Variants in CLEC3A observed in about 807,000 individuals in gnomAD.
CLEC3A encodes the protein C-type (calcium dependent, carbohydrate-recognition domain) lectin, superfamily member 1 (cartilage-derived).
CLEC3A carries 28 observed loss-of-function variants against 20.4 expected under a neutral mutation model. That is an observed-to-expected ratio of 1.37 (90% CI 1.02 to 1.88). The LOEUF (loss-of-function observed/expected upper bound fraction) is 1.88. Among genes scored for constraint, CLEC3A ranks in the 40% most tolerant of loss-of-function variants. The pLI, the probability that CLEC3A is intolerant of heterozygous loss-of-function variation, is 0.00. For missense variants in CLEC3A, 357 were observed against 240.4 expected (o/e 1.48, Z -3.21); for synonymous variants, 110 against 88.1 (o/e 1.25, Z -1.39).
intron 2 of CLEC3A, 25 bp downstream of exon 2, chr16:78,028,215 C>G: frequency 2.6e-6 from 4 of 1,523,574 alleles, no homozygotes; most frequent in South Asian, 1.2e-5. Context: ...TTCTCAGTGC[C>G]TTGTCCCAAA....
chr16:78,025,124 T>C (rs1475216273), intron 1 of CLEC3A, among the ~76,000 whole-genome samples: 1 of 152,240 alleles, frequency 6.6e-6, no homozygotes, highest in Non-Finnish European at 1.5e-5. Flanking sequence ...CCAGAGTTTT[T>C]AAAATGCACA....
At chr16:78,026,830 T>G (rs548846131) in intron 1 of CLEC3A, among the ~76,000 whole-genome samples, 11 of 152,358 alleles carry the variant, frequency 7.2e-5, no homozygotes, top group African/African-American at 2.6e-4. Flanking sequence ...TCCTTTAGCC[T>G]CATCCAGGAA....
Position 78,031,210 on chromosome 16 carries a change from C to A in CLEC3A, c.*369C>A, listed in dbSNP as rs2030094173. ...AGCTTAGGCTACCTGAAAGATTTTC[C>A]CTTGGAAGTTTAGCGTATGTTTGAC... On this transcript the variant is annotated 3_prime_UTR_variant, in exon 3 of 3. Transcript: ENST00000299642. The A allele has an allele frequency of 1.1e-5, 2 of 176,046 alleles. No individual in the cohort carries two copies. The highest frequency in any genetic ancestry group is 2.4e-5 in the African/African-American group (1 of 42,038). The allele number at this position is 176,046 out of a possible 1,614,324, so 10.9% of individuals were successfully genotyped here.
At chr16:78,028,923 T>C (rs1184720648) in intron 2 of CLEC3A, among the ~76,000 whole-genome samples, 1 of 152,234 alleles carries the variant, frequency 6.6e-6, no homozygotes. Context: ...ACAAGCAATG[T>C]TGCCTAGTAA....
At chr16:78,025,908 A>G (rs2029905336) in intron 1 of CLEC3A, among the ~76,000 whole-genome samples, 2 of 152,226 alleles carry the variant, frequency 1.3e-5, no homozygotes, top group Admixed American at 1.3e-4. Flanking sequence ...AATGTTTACA[A>G]TCTCCCAGTA....
rs754232968 is a variant in CLEC3A, at chr16:78,031,003, T to A, written c.*162T>A. On this transcript the variant is annotated 3_prime_UTR_variant, in exon 3 of 3. Coordinates refer to ENST00000299642, the MANE Select transcript of CLEC3A (RefSeq NM_005752.6). ...CATCAGCCAATTTTGCTAACACATT[T>A]CTTTGGGATTTTGCCCTTCCTGGGG... 94 of 773,692 alleles carry A rather than the reference T, an allele frequency of 1.2e-4. No individual in the cohort carries two copies. Among genetic ancestry groups the A allele is most frequent in the Non-Finnish European group, 1.7e-4 (87 of 504,472 alleles). 47.9% of individuals were successfully genotyped at this position (773,692 alleles called of 1,614,324 possible).
chr16:78,026,769 G>C (rs1161318665), intron 1 of CLEC3A, among the ~76,000 whole-genome samples: 1 of 152,142 alleles, frequency 6.6e-6, no homozygotes, highest in Non-Finnish European at 1.5e-5. Flanking sequence ...AAGGCTTCTT[G>C]TTTTCTGCCA....
In CLEC3A at chr16:78,031,486, T is replaced by A. The variant is rs185150714; in HGVS notation, c.*645T>A. 1 of 152,250 alleles carries A rather than the reference T, an allele frequency of 6.6e-6. No homozygotes were observed. The highest frequency in any genetic ancestry group is 1.5e-5 in the Non-Finnish European group (1 of 68,024). The allele number at this position is 152,250 out of a possible 1,614,324, so 9.4% of individuals were successfully genotyped here. A position where few individuals can be genotyped will look rare whatever the true frequency, so the allele number is the denominator to read the frequency against. ...TTTTTTGGAAGTTTCCAGCCGCAAT[T>A]TGAAATGAAATGACAAGGTGTATAT... On this transcript the variant is annotated 3_prime_UTR_variant, in exon 3 of 3. Transcript: ENST00000299642.
chr16:78,025,619 C>A (rs1037837432), intron 1 of CLEC3A, among the ~76,000 whole-genome samples: 2 of 152,162 alleles, frequency 1.3e-5, no homozygotes, highest in African/African-American at 4.8e-5. Flanking sequence ...GAAAGGGAGC[C>A]TTCTGGGGGA....
chr16:78,031,303 C>T lies in CLEC3A; in HGVS notation c.*462C>T, dbSNP rs2030098691. The T allele has an allele frequency of 6.5e-6, 1 of 154,578 alleles. No homozygotes were observed. Among genetic ancestry groups the T allele is most frequent in the African/African-American group, 2.4e-5 (1 of 41,456 alleles). 9.6% of individuals were successfully genotyped at this position (154,578 alleles called of 1,614,324 possible). ...TCCAAAAACTTTTCAGCCTGTTGCT[C>T]ATTCTGTCCCATGCTGGCAATAATA... On this transcript the variant is annotated 3_prime_UTR_variant, in exon 3 of 3. Transcript: ENST00000299642.
chr16:78,024,520 A>G (rs971623225), intron 1 of CLEC3A, among the ~76,000 whole-genome samples: 4 of 152,010 alleles, frequency 2.6e-5, no homozygotes, highest in Non-Finnish European at 5.9e-5. Context: ...ACAAAACAAA[A>G]CAAAACTGAC....
intron 2 of CLEC3A, among the ~76,000 whole-genome samples, chr16:78,029,465 T>A (rs2030020624): frequency 6.6e-6 from 1 of 152,078 alleles, no homozygotes. Context: ...GCCTCCCAGG[T>A]TCGCACGATT....
chr16:78,026,197 AC>A (rs2029918208), intron 1 of CLEC3A, among the ~76,000 whole-genome samples: 1 of 152,194 alleles, frequency 6.6e-6, no homozygotes. Context: ...GGCAGGGGCC[AC>A]CCCTGGATAT....
Position 78,030,513 on chromosome 16 carries a change from A to G in CLEC3A, c.266A>G (p.His89Arg). The G allele has an allele frequency of 6.2e-7, 1 of 1,614,060 alleles. No individual in the cohort carries two copies. The highest frequency in any genetic ancestry group is 8.5e-7 in the Non-Finnish European group (1 of 1,179,984). The change falls in exon 3 of 3, where the codon CAT becomes CGT. Residue 89 changes from histidine to arginine, a missense_variant. His to Arg is a conservative substitution (Grantham distance 29). Coordinates refer to ENST00000299642, the MANE Select transcript of CLEC3A (RefSeq NM_005752.6). ...YLASEGLKHF[H>R]EANEDCISKG... ...GCTTCAGAAGGTTTGAAGCATTTCC[A>G]TGAGGCCAATGAAGACTGCATTTCC...
At chr16:78,028,304 A>AT in intron 2 of CLEC3A, 114 bp downstream of exon 2, 2 of 674,518 alleles carry the variant, frequency 3.0e-6, no homozygotes, top group Non-Finnish European at 4.8e-6. Context: ...AATGTGGCCA[A>AT]TAAGAGGGCC....
At position 78,031,623 on chromosome 16, in the gene CLEC3A, C is replaced by G. The variant is rs564433593; in HGVS notation, c.*782C>G. On this transcript the variant is annotated 3_prime_UTR_variant, in exon 3 of 3. Coordinates refer to ENST00000299642, the MANE Select transcript of CLEC3A (RefSeq NM_005752.6). ...ATAAACGGAAACAGAAAAAAAGAACCTACATTTATTTTGCTTTAGCATCCT... is the reference window on the plus strand; with the variant it reads ...ATAAACGGAAACAGAAAAAAAGAACGTACATTTATTTTGCTTTAGCATCCT... 1 of 152,210 alleles carries G rather than the reference C, an allele frequency of 6.6e-6. No homozygotes were observed. Among genetic ancestry groups the G allele is most frequent in the South Asian group, 2.1e-4 (1 of 4,820 alleles). 9.4% of individuals were successfully genotyped at this position (152,210 alleles called of 1,614,324 possible).
rs569553004 is a variant in CLEC3A, at chr16:78,030,304, G to C, written c.200-143G>C. ...ATTTATGTAAAATGCTTAGCATGTTGTCCGGCACATAGAAAATTTTAACTG... is the reference window on the plus strand; with the variant it reads ...ATTTATGTAAAATGCTTAGCATGTTCTCCGGCACATAGAAAATTTTAACTG... On this transcript the variant is annotated intron_variant, in intron 2 of 2. Transcript: ENST00000299642. 6.2e-5 allele frequency: 46 copies of C among 740,212 alleles called. No homozygotes were observed. The African/African-American group carries it at 7.7e-4, about 12-fold the overall frequency. The allele number at this position is 740,212 out of a possible 1,614,324, so 45.9% of individuals were successfully genotyped here.
intron 1 of CLEC3A, among the ~76,000 whole-genome samples, chr16:78,023,066 T>A (rs930314062): frequency 6.6e-6 from 1 of 152,190 alleles, no homozygotes; most frequent in Non-Finnish European, 1.5e-5. Flanking sequence ...GAAAATCTGG[T>A]GTTATTAATA....
At chr16:78,024,404 C>G (rs761644354) in intron 1 of CLEC3A, among the ~76,000 whole-genome samples, 4 of 152,074 alleles carry the variant, frequency 2.6e-5, no homozygotes, top group Non-Finnish European at 5.9e-5. Context: ...CCCCTTCCTC[C>G]TCCCACTCTC....
Sources: allele counts gnomAD v4.1 joint callset (sites outside exome capture counted in the v4.1 genomes callset), GRCh38; gene constraint gnomAD v4.1.1; transcripts MANE v1.5; gene names NCBI Gene and HGNC (gene_info 2026-07-23, HGNC 2026-07-21).